The following CACNA2D1 variants were observed in gnomAD, a reference collection of about 807,000 sequenced individuals.
CACNA2D1 encodes the protein voltage-dependent calcium channel subunit alpha-2/delta-1.
Under a neutral mutation model 171.5 loss-of-function variants are expected in CACNA2D1, and 53 were observed. That is an observed-to-expected ratio of 0.31 (90% confidence interval 0.25 to 0.39). CACNA2D1 has a LOEUF of 0.39. Ranked by LOEUF, CACNA2D1 falls within the 10% of genes least tolerant of loss-of-function variation. The pLI, the probability that CACNA2D1 is intolerant of heterozygous loss-of-function variation, is 1.00. For synonymous variants in CACNA2D1, 442 were observed against 443.1 expected (o/e 1.00, Z 0.03); for missense variants, 903 against 1,299.8 (o/e 0.69, Z 4.69).
At chr7:82,196,450 A>G (rs956947012) in intron 3 of CACNA2D1, among the ~76,000 whole-genome samples, 4 of 152,064 alleles carry the variant, frequency 2.6e-5, no homozygotes, top group Non-Finnish European at 5.9e-5. Context: ...GCATTGCTAC[A>G]GTAGGGAGAA....
chr7:82,337,132 G>T (rs1373401061), intron 2 of CACNA2D1, among the ~76,000 whole-genome samples: 2 of 151,796 alleles, frequency 1.3e-5, no homozygotes, highest in Non-Finnish European at 2.9e-5. Flanking sequence ...TTTCCTTTTA[G>T]GATAATTTTT....
chr7:82,063,431 G>T (rs1807200450), intron 9 of CACNA2D1, among the ~76,000 whole-genome samples: 1 of 152,070 alleles, frequency 6.6e-6, no homozygotes, highest in Non-Finnish European at 1.5e-5. Context: ...GGTTATGAGG[G>T]TTTGGACAAC....
chr7:82,060,161 A>G (rs1460008832), intron 10 of CACNA2D1, among the ~76,000 whole-genome samples: 1 of 35,116 alleles, frequency 2.8e-5, no homozygotes, highest in African/African-American at 9.7e-5. Context: ...TATTATATAT[A>G]TATAATATAT....
intron 1 of CACNA2D1, among the ~76,000 whole-genome samples, chr7:82,430,393 G>A (rs1372889004): frequency 1.4e-5 from 2 of 142,260 alleles, no homozygotes; most frequent in East Asian, 2.1e-4. Flanking sequence ...ACTCCAGCCT[G>A]GGTGATAGAG....
At chr7:82,061,143 T>C (rs1584593335) in intron 9 of CACNA2D1, among the ~76,000 whole-genome samples, 1 of 152,290 alleles carries the variant, frequency 6.6e-6, no homozygotes, top group East Asian at 1.9e-4. Context: ...GTTTTATCCT[T>C]CGAGCTGCCT....
chr7:82,049,100 CAATT>C (rs1804889205), intron 10 of CACNA2D1, among the ~76,000 whole-genome samples: 1 of 134,878 alleles, frequency 7.4e-6, no homozygotes, highest in East Asian at 2.1e-4. Flanking sequence ...ATTTCCAAAG[CAATT>C]AAGTTATCTT....
chr7:81,977,858 A>C (rs2130562771), intron 24 of CACNA2D1, among the ~76,000 whole-genome samples: 1 of 152,352 alleles, frequency 6.6e-6, no homozygotes. Context: ...AAAGGCTAAT[A>C]TCCAGAATCT....
At chr7:82,189,665 A>T (rs1028107684) in intron 3 of CACNA2D1, among the ~76,000 whole-genome samples, 2 of 151,910 alleles carry the variant, frequency 1.3e-5, no homozygotes, top group African/African-American at 4.8e-5. Flanking sequence ...CTGAGTAAAG[A>T]CTCAGAGGAG....
chr7:82,337,718 G>A (rs994349297), intron 2 of CACNA2D1, among the ~76,000 whole-genome samples: 1 of 152,132 alleles, frequency 6.6e-6, no homozygotes, highest in African/African-American at 2.4e-5. Flanking sequence ...TTCACATGCT[G>A]TGCAAAACTG....
intron 3 of CACNA2D1, among the ~76,000 whole-genome samples, chr7:82,249,599 G>C (rs1029762122): frequency 2.0e-5 from 3 of 152,132 alleles, no homozygotes; most frequent in Non-Finnish European, 4.4e-5. Context: ...TTACAAAATG[G>C]TTGGAAATAA....
At chr7:82,236,207 C>T (rs1050151083) in intron 3 of CACNA2D1, among the ~76,000 whole-genome samples, 7 of 151,874 alleles carry the variant, frequency 4.6e-5, no homozygotes, top group Non-Finnish European at 7.4e-5. Flanking sequence ...CAATAAATAG[C>T]GAATTATAGA....
chr7:82,313,977 A>G (rs543036839), intron 3 of CACNA2D1, among the ~76,000 whole-genome samples: 13 of 152,308 alleles, frequency 8.5e-5, no homozygotes, highest in Non-Finnish European at 1.3e-4. Context: ...TCTTTTTTTA[A>G]TGCAAACTAC....
chr7:82,383,003 T>C (rs1823881638), intron 1 of CACNA2D1, among the ~76,000 whole-genome samples: 2 of 152,198 alleles, frequency 1.3e-5, no homozygotes, highest in South Asian at 2.1e-4. Flanking sequence ...GGTATTGTGA[T>C]TTCTTCTAAA....
chr7:82,224,297 C>T (rs1001960729), intron 3 of CACNA2D1, among the ~76,000 whole-genome samples: 5 of 152,070 alleles, frequency 3.3e-5, no homozygotes, highest in Admixed American at 6.6e-5. Context: ...ATAAGAATAG[C>T]TAATATTTGG....
chr7:81,955,980 A>ATATTTT (rs58075516), intron 38 of CACNA2D1, among the ~76,000 whole-genome samples: 2 of 34,546 alleles, frequency 5.8e-5, no homozygotes, highest in African/African-American at 1.2e-4. Flanking sequence ...ATATATATAT[A>ATATTTT]TTTTTTTTTT....
chr7:82,190,265 G>A (rs1371974306), intron 3 of CACNA2D1, among the ~76,000 whole-genome samples: 1 of 151,748 alleles, frequency 6.6e-6, no homozygotes, highest in Non-Finnish European at 1.5e-5. Context: ...GAGGAATTTA[G>A]TTTATCAATT....
At chr7:82,359,525 C>G (rs1448545272) in intron 1 of CACNA2D1, among the ~76,000 whole-genome samples, 1 of 152,128 alleles carries the variant, frequency 6.6e-6, no homozygotes, top group African/African-American at 2.4e-5. Flanking sequence ...ACAAATATGT[C>G]AGCTTTGTCA....
chr7:82,061,166 C>A (rs558058556), intron 9 of CACNA2D1, among the ~76,000 whole-genome samples: 1 of 152,278 alleles, frequency 6.6e-6, no homozygotes, highest in Admixed American at 6.5e-5. Flanking sequence ...TGAACCACTA[C>A]GACTGAATGT....
intron 3 of CACNA2D1, among the ~76,000 whole-genome samples, chr7:82,216,896 A>G (rs1362433171): frequency 4.0e-5 from 6 of 151,172 alleles, no homozygotes; most frequent in African/African-American, 1.5e-4. Context: ...AAATCCAAAA[A>G]AAAAAAAAAA....
Sources: allele counts gnomAD v4.1 joint callset (sites outside exome capture counted in the v4.1 genomes callset), GRCh38; gene constraint gnomAD v4.1.1; transcripts MANE v1.5; gene names NCBI Gene and HGNC (gene_info 2026-07-23, HGNC 2026-07-21).